The following TBC1D23 variants were observed in gnomAD, a reference collection of about 807,000 sequenced individuals.
TBC1D23 encodes the protein TBC1 domain family member 23.
Under a neutral mutation model 91.4 loss-of-function variants are expected in TBC1D23, and 55 were observed. The observed-to-expected ratio is 0.60, with a 90% CI of 0.48 to 0.75. The LOEUF is 0.75. TBC1D23 is among the 30% of genes least tolerant of loss of function. The probability of loss-of-function intolerance (pLI) is 0.00; values close to 1 mark genes in which losing one functional copy is unlikely to be tolerated. For synonymous variants in TBC1D23, 289 were observed against 281.0 expected, an observed-to-expected ratio of 1.03 and a Z score of -0.28; for missense variants, 725 against 836.1, an observed-to-expected ratio of 0.87 and a Z score of 1.64.
In TBC1D23 at chr3:100,302,174, T is replaced by C. The variant is rs1705445581; in HGVS notation, c.1200T>C (p.Phe400=). The C allele has an allele frequency of 8.7e-6, 14 of 1,614,078 alleles. No individual in the cohort carries two copies. Among genetic ancestry groups the C allele is most frequent in the Non-Finnish European group, 1.2e-5 (14 of 1,179,972 alleles). Residue 400 remains phenylalanine (F), a synonymous_variant, in exon 11 of 19, where the codon TTT becomes TTC. Coordinates refer to ENST00000394144, the MANE Select transcript of TBC1D23 (RefSeq NM_001199198.3). ...TAGCTGGTGGGGAGCACCTCTGTTT[T>C]ATGGGCAGTGGCAGGGAGGAAGAAG... ...GSIAGGEHLC[F]MGSGREEEDM...
intron 18 of TBC1D23, among the ~76,000 whole-genome samples, chr3:100,322,799 A>G (rs1298612198): frequency 6.6e-6 from 1 of 151,936 alleles, no homozygotes; most frequent in Admixed American, 6.6e-5. Flanking sequence ...GTTTTGGAAG[A>G]TAGTCTTAAT....
At chr3:100,298,658 C>G (rs1378433375) in intron 9 of TBC1D23, among the ~76,000 whole-genome samples, 1 of 152,156 alleles carries the variant, frequency 6.6e-6, no homozygotes, top group African/African-American at 2.4e-5. Flanking sequence ...CTTACTGTAT[C>G]TGCGCTGGTT....
rs181594395 is a variant in TBC1D23 at position 100,264,101 on chromosome 3, T to G, written c.53+3030T>G. The stretch of plus-strand genomic sequence containing the variant: ...AGACTTTGGGATTGGGAGCCAGAGG[T>G]TCAGTAAAGGCTCTGTTCTTAGAGT... On this transcript the variant is annotated intron_variant, in intron 1 of 18. Coordinates refer to ENST00000394144, the MANE Select transcript of TBC1D23 (RefSeq NM_001199198.3). 5.8e-3 allele frequency among the ~76,000 whole-genome samples: 890 copies of G among 152,246 alleles called. 10 individuals carry two copies. Among genetic ancestry groups the G allele is most frequent in the African/African-American group, 0.021 (857 of 41,534 alleles).
chr3:100,323,243 T>C (rs899732538), intron 18 of TBC1D23, among the ~76,000 whole-genome samples: 5 of 152,228 alleles, frequency 3.3e-5, no homozygotes, highest in Non-Finnish European at 7.4e-5. Context: ...TTGTAGCTAA[T>C]TGAAGGTACA....
chr3:100,270,224 A>C (rs2067589708), intron 1 of TBC1D23, among the ~76,000 whole-genome samples: 1 of 152,180 alleles, frequency 6.6e-6, no homozygotes, highest in Non-Finnish European at 1.5e-5. Flanking sequence ...TGCTCAATAC[A>C]TACGTGTTGA....
chr3:100,309,107 G>A (rs956245180), intron 13 of TBC1D23, among the ~76,000 whole-genome samples: 34 of 152,282 alleles, frequency 2.2e-4, no homozygotes, highest in Middle Eastern at 6.8e-3. Context: ...CCAGGAGGCG[G>A]AGGTTGCAGT....
intron 10 of TBC1D23, chr3:100,301,799 A>G: frequency 3.1e-6 from 1 of 323,722 alleles, no homozygotes; most frequent in East Asian, 6.9e-5. Flanking sequence ...AGAAAAAACA[A>G]GAACAACAAA....
At chr3:100,274,246 A>G (rs1345736697) in intron 1 of TBC1D23, among the ~76,000 whole-genome samples, 1 of 152,236 alleles carries the variant, frequency 6.6e-6, no homozygotes, top group African/African-American at 2.4e-5. Flanking sequence ...TTTTGTGTTC[A>G]GAAACTTATT....
chr3:100,269,026 G>T (rs13079881), intron 1 of TBC1D23, among the ~76,000 whole-genome samples: 1 of 152,014 alleles, frequency 6.6e-6, no homozygotes, highest in Non-Finnish European at 1.5e-5. Flanking sequence ...TGGTACCATT[G>T]GTGTAATTTG....
intron 2 of TBC1D23, among the ~76,000 whole-genome samples, chr3:100,280,855 C>T (rs1033698997): frequency 3.9e-5 from 6 of 152,078 alleles, no homozygotes; most frequent in South Asian, 4.1e-4. Flanking sequence ...AAGTCTGAAA[C>T]GTTTAAAAGA....
chr3:100,276,714 G>A (rs1391114022), intron 1 of TBC1D23, among the ~76,000 whole-genome samples: 1 of 152,262 alleles, frequency 6.6e-6, no homozygotes, highest in South Asian at 2.1e-4. Context: ...ATCAGGTGAG[G>A]GGAAATTCTG....
chr3:100,302,519 C>G (rs1433233625), intron 11 of TBC1D23, among the ~76,000 whole-genome samples: 1 of 152,136 alleles, frequency 6.6e-6, no homozygotes, highest in African/African-American at 2.4e-5. Context: ...TATTAATATA[C>G]CGAGTTCCTC....
intron 5 of TBC1D23, among the ~76,000 whole-genome samples, 176 bp from the exon 6 acceptor site, chr3:100,294,911 T>C (rs2067824952): frequency 6.6e-6 from 1 of 152,232 alleles, no homozygotes; most frequent in African/African-American, 2.4e-5. Context: ...GTGGCTCCAT[T>C]GTCCCTTGAA....
intron 5 of TBC1D23, among the ~76,000 whole-genome samples, chr3:100,293,700 G>T (rs1033092564): frequency 6.6e-6 from 1 of 152,174 alleles, no homozygotes; most frequent in Non-Finnish European, 1.5e-5. Flanking sequence ...GTGGTCAAGT[G>T]TGATGGCAAT....
chr3:100,312,230 C>T (rs1705636608), intron 15 of TBC1D23, among the ~76,000 whole-genome samples: 2 of 152,172 alleles, frequency 1.3e-5, no homozygotes, highest in Non-Finnish European at 2.9e-5. Flanking sequence ...TGCTCATTTG[C>T]TTCTATCTCC....
At chr3:100,308,065 T>A (rs1168400411) in intron 13 of TBC1D23, among the ~76,000 whole-genome samples, 1 of 152,276 alleles carries the variant, frequency 6.6e-6, no homozygotes, top group Non-Finnish European at 1.5e-5. Flanking sequence ...TTTTAGAAAT[T>A]ATCTTAAAGA....
intron 1 of TBC1D23, among the ~76,000 whole-genome samples, chr3:100,276,928 C>T (rs1242548324): frequency 5.3e-5 from 8 of 152,146 alleles, no homozygotes; most frequent in African/African-American, 7.2e-5. Context: ...ATTTTTTGTA[C>T]TTTCTAGAAT....
chr3:100,280,585 CTTACCTTT>C (rs1202984584), intron 2 of TBC1D23, among the ~76,000 whole-genome samples: 1 of 152,148 alleles, frequency 6.6e-6, no homozygotes, highest in African/African-American at 2.4e-5. Context: ...GGTCTTGGTG[CTTACCTTT>C]TTACCTTTTT....
intron 1 of TBC1D23, among the ~76,000 whole-genome samples, chr3:100,271,849 A>G (rs1044330534): frequency 6.6e-6 from 1 of 152,180 alleles, no homozygotes; most frequent in African/African-American, 2.4e-5. Flanking sequence ...AGATTAACCT[A>G]ATGTTGGGAA....
Sources: gnomAD v4.1 joint callset for allele counts (sites outside exome capture counted in the v4.1 genomes callset) on GRCh38, gnomAD v4.1.1 for gene constraint, MANE v1.5 for transcripts, NCBI Gene and HGNC (gene_info 2026-07-23, HGNC 2026-07-21) for gene names.